Variants in CIMAP1D observed in about 807,000 individuals in gnomAD.
CIMAP1D encodes the protein protein CIMAP1D.
chr19:478,423 C>G, the CIMAP1D span, among the ~76,000 whole-genome samples: 1 of 97,788 alleles, frequency 1.0e-5, no homozygotes, highest in East Asian at 4.7e-4. Flanking sequence ...CAAAAGCTAA[C>G]ACAGGGAAGA....
the CIMAP1D span, among the ~76,000 whole-genome samples, chr19:482,641 G>A: frequency 2.6e-5 from 4 of 152,256 alleles, no homozygotes; most frequent in African/African-American, 7.2e-5. Context: ...CATGCAGAAC[G>A]GCTCTGCTGC....
the CIMAP1D span, among the ~76,000 whole-genome samples, chr19:464,814 G>A: frequency 2.0e-5 from 3 of 152,206 alleles, no homozygotes; most frequent in African/African-American, 2.4e-5. Flanking sequence ...TGGGTGAACA[G>A]GATAGGTAGG....
the CIMAP1D span, among the ~76,000 whole-genome samples, chr19:478,009 C>T: frequency 2.6e-5 from 4 of 152,214 alleles, no homozygotes; most frequent in African/African-American, 7.2e-5. Context: ...AACCAACCCT[C>T]GCTGGCCCCT....
At chr19:482,784 C>A in the CIMAP1D span, among the ~76,000 whole-genome samples, 2 of 152,182 alleles carry the variant, frequency 1.3e-5, no homozygotes, top group African/African-American at 4.8e-5. Context: ...CCTGCACTGT[C>A]CTGCCCACCT....
the CIMAP1D span, among the ~76,000 whole-genome samples, chr19:478,862 A>G: frequency 6.6e-6 from 1 of 152,228 alleles, no homozygotes; most frequent in Non-Finnish European, 1.5e-5. Context: ...TCTCACCGTA[A>G]TTAGGAACTC....
the CIMAP1D span, among the ~76,000 whole-genome samples, chr19:488,179 TGAG>T: frequency 6.6e-6 from 1 of 152,030 alleles, no homozygotes. Flanking sequence ...ACTGGGTGTC[TGAG>T]GAGTTTTGTC....
chr19:472,830 A>T, the CIMAP1D span, among the ~76,000 whole-genome samples: 1 of 147,132 alleles, frequency 6.8e-6, no homozygotes, highest in African/African-American at 2.5e-5. Flanking sequence ...ACGGTCACAG[A>T]TGGGGAGACT....
the CIMAP1D span, chr19:474,621 C>T: frequency 9.7e-6 from 15 of 1,549,036 alleles, no homozygotes; most frequent in Middle Eastern, 3.4e-4. Flanking sequence ...TGGCACGCAC[C>T]GTTCTCCAGG....
the CIMAP1D span, chr19:490,293 T>C: frequency 1.1e-5 from 3 of 274,714 alleles, no homozygotes; most frequent in Admixed American, 1.1e-4. Flanking sequence ...GAGGTGGAGG[T>C]TGCAGTGAGC....
the CIMAP1D span, among the ~76,000 whole-genome samples, chr19:470,566 G>A: frequency 6.6e-6 from 1 of 152,252 alleles, no homozygotes; most frequent in East Asian, 1.9e-4. Context: ...CGCCTTCACT[G>A]GCATTCTGGG....
At chr19:488,118 G>T in the CIMAP1D span, among the ~76,000 whole-genome samples, 1 of 152,152 alleles carries the variant, frequency 6.6e-6, no homozygotes, top group Non-Finnish European at 1.5e-5. Context: ...TCGGCTCTTG[G>T]GACAGGAGTC....
the CIMAP1D span, among the ~76,000 whole-genome samples, chr19:483,462 G>A: frequency 6.6e-6 from 1 of 152,176 alleles, no homozygotes; most frequent in Non-Finnish European, 1.5e-5. Context: ...CCCCAGGCAT[G>A]CAGGCTCACC....
chr19:478,623 T>C, the CIMAP1D span, among the ~76,000 whole-genome samples: 1 of 152,270 alleles, frequency 6.6e-6, no homozygotes, highest in African/African-American at 2.4e-5. Flanking sequence ...GCAAATGAGA[T>C]GCAAATGAAT....
the CIMAP1D span, among the ~76,000 whole-genome samples, chr19:465,894 G>GGACA: frequency 2.3e-4 from 32 of 139,378 alleles, no homozygotes; most frequent in African/African-American, 8.2e-4. Flanking sequence ...ATGGGCGGGT[G>GGACA]GATGGATGGG....
At chr19:481,279 TATG>T in the CIMAP1D span, among the ~76,000 whole-genome samples, 1 of 66,278 alleles carries the variant, frequency 1.5e-5, no homozygotes, top group Non-Finnish European at 2.9e-5. Flanking sequence ...GATGGGAAAG[TATG>T]ATGGGAAGGA....
chr19:486,270 G>A, the CIMAP1D span, among the ~76,000 whole-genome samples: 119 of 152,252 alleles, frequency 7.8e-4, 1 homozygote, highest in Middle Eastern at 0.01. Context: ...ACAAGCCCAG[G>A]TCCTTCCTGC....
the CIMAP1D span, among the ~76,000 whole-genome samples, chr19:473,692 C>G: frequency 7.4e-6 from 1 of 134,634 alleles, no homozygotes; most frequent in Non-Finnish European, 1.5e-5. Context: ...TACATGGTCA[C>G]AGATGGGGAA....
chr19:464,402 T>A, the CIMAP1D span: 2 of 1,286,418 alleles, frequency 1.6e-6, no homozygotes, highest in Admixed American at 4.1e-5. Flanking sequence ...ACTGATGTCC[T>A]CACCTGCCCA....
the CIMAP1D span, among the ~76,000 whole-genome samples, chr19:488,390 C>A: frequency 1.3e-5 from 2 of 152,000 alleles, no homozygotes; most frequent in Admixed American, 1.3e-4. Context: ...GGCGTGGTGG[C>A]AGGCGCCTGT....
Sources: allele counts gnomAD v4.1 joint callset (sites outside exome capture counted in the v4.1 genomes callset), GRCh38; gene constraint gnomAD v4.1.1; transcripts MANE v1.5; gene names NCBI Gene and HGNC (gene_info 2026-07-23, HGNC 2026-07-21).